Variants in PELI1 observed in about 807,000 individuals in gnomAD.
PELI1 encodes E3 ubiquitin-protein ligase pellino homolog 1.
PELI1 carries 15 observed loss-of-function variants against 41.3 expected under a neutral mutation model. The observed-to-expected ratio is 0.36, with a 90% CI of 0.24 to 0.56. The LOEUF is 0.56. Ranked by LOEUF, PELI1 falls within the 20% of genes least tolerant of loss-of-function variation. PELI1 has a pLI of 0.82. For synonymous variants in PELI1, 178 were observed against 180.1 expected, an observed-to-expected ratio of 0.99 and a Z score of 0.09; for missense variants, 403 against 525.5, an observed-to-expected ratio of 0.77 and a Z score of 2.28.
At chr2:64,127,722 T>C (rs1681434816) in intron 1 of PELI1, among the ~76,000 whole-genome samples, 1 of 152,208 alleles carries the variant, frequency 6.6e-6, no homozygotes, top group Non-Finnish European at 1.5e-5. Context: ...TTCTTTTCTA[T>C]GTTGTCAAAG....
At chr2:64,104,057 A>C (rs1194368778) in intron 3 of PELI1, among the ~76,000 whole-genome samples, 1 of 152,218 alleles carries the variant, frequency 6.6e-6, no homozygotes, top group African/African-American at 2.4e-5. Flanking sequence ...AAATTTTGTT[A>C]GAAGAATACA....
chr2:64,139,670 GCAGAGATTTT>G, intron 1 of PELI1, among the ~76,000 whole-genome samples: 1 of 152,324 alleles, frequency 6.6e-6, no homozygotes, highest in South Asian at 2.1e-4. Flanking sequence ...CACCATGAAA[GCAGAGATTTT>G]AGTCTATGAG....
At chr2:64,125,792 C>T (rs1018977490) in intron 1 of PELI1, among the ~76,000 whole-genome samples, 5 of 152,186 alleles carry the variant, frequency 3.3e-5, no homozygotes, top group African/African-American at 1.2e-4. Flanking sequence ...CCGCAAAATG[C>T]TCCAAAACCT....
chr2:64,117,565 T>C (rs1448789611), intron 1 of PELI1, among the ~76,000 whole-genome samples: 1 of 152,192 alleles, frequency 6.6e-6, no homozygotes. Flanking sequence ...AATTCCATTA[T>C]AAGCTCCATT....
In PELI1 at chr2:64,137,874, A is replaced by T. The variant is rs180759342; in HGVS notation, c.-70+6207T>A. ...TAAACTGGCTTAGACGACAAAAAAA[A>T]TTTTTTTTTCTAAAAATATTGAGTA... On this transcript the variant is annotated intron_variant, in intron 1 of 6. Coordinates refer to ENST00000358912, the MANE Select transcript of PELI1 (RefSeq NM_020651.4). Among the ~76,000 whole-genome samples, 52 of 151,902 alleles carry T rather than the reference A, an allele frequency of 3.4e-4. 1 individual carries two copies. The East Asian group carries it at 6.0e-3, about 18-fold the overall frequency.
Position 64,112,330 on chromosome 2 carries a change from G to C in PELI1, c.-69-3951C>G, listed in dbSNP as rs374612872. ...CTAAAGTGGAATAAAGGGAATTTGG[G>C]AGCTGGAAAAAATATAAGCGACCAT... is the stretch of plus-strand genomic sequence containing the variant. On this transcript the variant is annotated intron_variant, in intron 1 of 6. Transcript: ENST00000358912. Among the ~76,000 whole-genome samples the C allele has an allele frequency of 1.0e-3, 154 of 152,266 alleles. 2 individuals are homozygous for C. In the South Asian group the frequency reaches 0.018, roughly 18 times the overall value.
In PELI1 at chr2:64,094,747, A is replaced by G. The variant is rs780427637; in HGVS notation, c.1212T>C (p.Gly404=). Residue 404 remains glycine (G), a synonymous_variant, in exon 7 of 7, where the codon GGT becomes GGC. Transcript: ENST00000358912. ...ACPFCAHQLA[G]EQGYIRLIFQ... ...AAATAAGTCTGATGTAGCCTTGTTCACCAGCCAACTGATGTGCACAAAAGG... is the reference window on the plus strand; with the variant it reads ...AAATAAGTCTGATGTAGCCTTGTTCGCCAGCCAACTGATGTGCACAAAAGG... 1.2e-6 allele frequency: 2 copies of G among 1,614,214 alleles called. No individual in the cohort carries two copies. The highest frequency in any genetic ancestry group is 2.2e-5 in the South Asian group (2 of 91,086).
intron 1 of PELI1, among the ~76,000 whole-genome samples, chr2:64,117,537 T>C (rs1351070144): frequency 6.6e-6 from 1 of 152,180 alleles, no homozygotes; most frequent in African/African-American, 2.4e-5. Context: ...AAGCTAACTT[T>C]AAGCCTTTTA....
intron 1 of PELI1, among the ~76,000 whole-genome samples, chr2:64,142,614 T>G (rs1681949266): frequency 6.6e-6 from 1 of 152,214 alleles, no homozygotes; most frequent in Non-Finnish European, 1.5e-5. Context: ...GGAATTCATA[T>G]GCTGTATTTG....
At chr2:64,119,702 A>T (rs536729272) in intron 1 of PELI1, among the ~76,000 whole-genome samples, 1 of 152,236 alleles carries the variant, frequency 6.6e-6, no homozygotes, top group Non-Finnish European at 1.5e-5. Flanking sequence ...TTTTTAACAC[A>T]GGCTTAATAT....
rs1680157858 is a variant in PELI1, at chr2:64,094,426, T to C, written c.*276A>G. Reference sequence around the variant, plus strand: ...CTGAGGATAGGTGATTCAAAAACACTAAAAGGAAGGCATCAAATTAGACTA... The same window carrying C: ...CTGAGGATAGGTGATTCAAAAACACCAAAAGGAAGGCATCAAATTAGACTA... On this transcript the variant is annotated 3_prime_UTR_variant, in exon 7 of 7. Transcript: ENST00000358912. 3.1e-6 allele frequency: 1 copy of C among 318,934 alleles called. No homozygotes were observed. The highest frequency in any genetic ancestry group is 5.4e-5 in the South Asian group (1 of 18,384). The allele number at this position is 318,934 out of a possible 1,614,324, so 19.8% of individuals were successfully genotyped here. A position where few individuals can be genotyped will look rare whatever the true frequency, so the allele number is the denominator to read the frequency against.
At chr2:64,111,080 T>C (rs1405560052) in intron 1 of PELI1, among the ~76,000 whole-genome samples, 1 of 152,226 alleles carries the variant, frequency 6.6e-6, no homozygotes, top group East Asian at 1.9e-4. Context: ...CATTTATTTC[T>C]CTCCCTAGTT....
intron 1 of PELI1, among the ~76,000 whole-genome samples, chr2:64,111,744 TATA>T (rs1242328254): frequency 6.6e-6 from 1 of 152,198 alleles, no homozygotes; most frequent in East Asian, 1.9e-4. Context: ...TTTGGTTCCA[TATA>T]ATAAGATCTT....
intron 1 of PELI1, among the ~76,000 whole-genome samples, chr2:64,139,736 C>A (rs1255118327): frequency 6.6e-6 from 1 of 152,192 alleles, no homozygotes; most frequent in Non-Finnish European, 1.5e-5. Context: ...TCAATAAACA[C>A]TGAATGTATT....
intron 1 of PELI1, among the ~76,000 whole-genome samples, chr2:64,122,682 G>A (rs958409710): frequency 1.3e-5 from 2 of 152,096 alleles, no homozygotes; most frequent in East Asian, 3.9e-4. Context: ...CACGCAGATG[G>A]CATTTGCTAT....
intron 1 of PELI1, among the ~76,000 whole-genome samples, chr2:64,143,677 G>A (rs1681994487): frequency 1.3e-5 from 2 of 152,188 alleles, no homozygotes; most frequent in Admixed American, 6.5e-5. Context: ...TGTAAGGGAG[G>A]AAAAGAAGTT....
intron 1 of PELI1, among the ~76,000 whole-genome samples, chr2:64,135,393 G>A (rs1021144640): frequency 6.6e-6 from 1 of 152,062 alleles, no homozygotes; most frequent in African/African-American, 2.4e-5. Context: ...CCAGAAATAG[G>A]CAAGGAAAGT....
intron 1 of PELI1, among the ~76,000 whole-genome samples, chr2:64,136,569 A>G (rs534680386): frequency 1.7e-4 from 26 of 152,376 alleles, no homozygotes; most frequent in Non-Finnish European, 2.9e-4. Context: ...ATAAAAGTTC[A>G]TAAGTTCTAC....
Position 64,095,285 on chromosome 2 carries a change from T to G in PELI1, c.691-17A>C, listed in dbSNP as rs763461149. The G allele has an allele frequency of 4.3e-5, 67 of 1,566,346 alleles. No homozygotes were observed. The highest frequency in any genetic ancestry group is 5.4e-5 in the Non-Finnish European group (61 of 1,138,364). On this transcript the variant is annotated splice_polypyrimidine_tract_variant and intron_variant, in intron 6 of 6. Coordinates refer to ENST00000358912, the MANE Select transcript of PELI1 (RefSeq NM_020651.4). ...AATTTCCACCTAGAGGAGACAAGAG[T>G]TGAAAAACATATTCACCACTCTGTT...
Sources: allele counts gnomAD v4.1 joint callset (sites outside exome capture counted in the v4.1 genomes callset), GRCh38; gene constraint gnomAD v4.1.1; transcripts MANE v1.5; gene names NCBI Gene and HGNC (gene_info 2026-07-23, HGNC 2026-07-21).